GRM7: variants seen among roughly 807,000 people sequenced by gnomAD.
GRM7 encodes the protein glutamate metabotropic receptor 7, also known as metabotropic glutamate receptor 7.
GRM7 carries 35 observed loss-of-function variants against 84.5 expected under a neutral mutation model. The ratio of observed to expected loss-of-function variants is 0.41; its 90% CI spans 0.32 to 0.55. The LOEUF is 0.55. Ranked by LOEUF, GRM7 falls within the 20% of genes least tolerant of loss-of-function variation. GRM7 has a pLI of 0.19. For missense variants in GRM7, 1,003 were observed against 1,194.6 expected (o/e 0.84, Z 2.36); for synonymous variants, 487 against 455.1 (o/e 1.07, Z -0.89).
chr3:7,432,694 T>C (rs1461169237), intron 5 of GRM7, among the ~76,000 whole-genome samples: 1 of 150,416 alleles, frequency 6.6e-6, no homozygotes, highest in Non-Finnish European at 1.5e-5. Context: ...AATAGATGAA[T>C]AAATGTGGAA....
intron 2 of GRM7, among the ~76,000 whole-genome samples, chr3:7,255,691 T>C (rs2124947593): frequency 6.6e-6 from 1 of 152,348 alleles, no homozygotes; most frequent in Middle Eastern, 3.4e-3. Context: ...GTGAAATTTC[T>C]AGCGGTAATA....
intron 8 of GRM7, among the ~76,000 whole-genome samples, chr3:7,642,326 C>A (rs1410190436): frequency 6.6e-6 from 1 of 151,586 alleles, no homozygotes; most frequent in Non-Finnish European, 1.5e-5. Context: ...TCCTAAGAAT[C>A]TCAAAAAAAA....
intron 2 of GRM7, among the ~76,000 whole-genome samples, chr3:7,153,143 T>TA (rs907272658): frequency 2.1e-4 from 32 of 151,080 alleles, no homozygotes; most frequent in Non-Finnish European, 3.8e-4. Context: ...ATTTTTTTTT[T>TA]TTTTTTTTTT....
intron 5 of GRM7, among the ~76,000 whole-genome samples, chr3:7,426,068 T>G (rs1696594594): frequency 6.6e-6 from 1 of 151,990 alleles, no homozygotes; most frequent in Non-Finnish European, 1.5e-5. Flanking sequence ...CCTCAACATT[T>G]AAGACATTTC....
chr3:7,387,042 G>T (rs1694812619), intron 4 of GRM7, among the ~76,000 whole-genome samples: 1 of 152,034 alleles, frequency 6.6e-6, no homozygotes. Context: ...TTTTTTATAA[G>T]TTTATTGGCC....
chr3:7,066,214 T>G (rs2124977184), intron 1 of GRM7, among the ~76,000 whole-genome samples: 1 of 151,086 alleles, frequency 6.6e-6, no homozygotes, highest in African/African-American at 2.4e-5. Context: ...CAAACAAAAT[T>G]TACAAAGGAT....
At chr3:7,227,015 G>A (rs1047938938) in intron 2 of GRM7, among the ~76,000 whole-genome samples, 13 of 152,000 alleles carry the variant, frequency 8.6e-5, no homozygotes, top group Non-Finnish European at 1.9e-4. Flanking sequence ...ATTTACTGGA[G>A]GTTAAAAATT....
intron 9 of GRM7, among the ~76,000 whole-genome samples, chr3:7,707,126 T>C (rs1474624947): frequency 2.0e-5 from 3 of 152,200 alleles, no homozygotes; most frequent in Non-Finnish European, 4.4e-5. Flanking sequence ...GAGGTTACAT[T>C]CTACCTTGCG....
chr3:7,620,161 T>C (rs1014845887), intron 8 of GRM7, among the ~76,000 whole-genome samples: 2 of 152,106 alleles, frequency 1.3e-5, no homozygotes, highest in African/African-American at 4.8e-5. Flanking sequence ...GTTTCAGGAC[T>C]GAAAGAAACA....
intron 3 of GRM7, among the ~76,000 whole-genome samples, chr3:7,305,956 G>C (rs1010009083): frequency 6.6e-6 from 1 of 151,942 alleles, no homozygotes; most frequent in Non-Finnish European, 1.5e-5. Context: ...CCATTGTCCT[G>C]ATTATGTATA....
intron 2 of GRM7, among the ~76,000 whole-genome samples, chr3:7,220,281 C>A (rs1048951302): frequency 6.6e-6 from 1 of 152,188 alleles, no homozygotes; most frequent in Non-Finnish European, 1.5e-5. Flanking sequence ...AACACTATCT[C>A]AGTGAGGTGA....
intron 8 of GRM7, among the ~76,000 whole-genome samples, chr3:7,591,662 T>C (rs185933226): frequency 3.3e-5 from 5 of 152,294 alleles, no homozygotes; most frequent in Non-Finnish European, 5.9e-5. Context: ...GTACTTAGAA[T>C]TGTTAAAAAT....
chr3:7,359,028 A>G (rs1030267883), intron 4 of GRM7, among the ~76,000 whole-genome samples: 1 of 143,204 alleles, frequency 7.0e-6, no homozygotes, highest in Non-Finnish European at 1.5e-5. Context: ...CTGAGACAGG[A>G]GGATCACTTG....
intron 5 of GRM7, among the ~76,000 whole-genome samples, chr3:7,422,857 G>C (rs918713268): frequency 6.6e-6 from 1 of 152,020 alleles, no homozygotes; most frequent in Admixed American, 6.6e-5. Flanking sequence ...ATGGTGGAGA[G>C]GAAATAAAAG....
At chr3:7,536,893 T>C (rs966721306) in intron 7 of GRM7, among the ~76,000 whole-genome samples, 2 of 152,180 alleles carry the variant, frequency 1.3e-5, no homozygotes, top group African/African-American at 4.8e-5. Flanking sequence ...TGTGAGATAA[T>C]AATAAATATT....
At chr3:7,421,307 G>T (rs1696383824) in intron 5 of GRM7, among the ~76,000 whole-genome samples, 1 of 152,138 alleles carries the variant, frequency 6.6e-6, no homozygotes, top group Non-Finnish European at 1.5e-5. Flanking sequence ...ATTAGGCAAT[G>T]CTTGATTCTG....
At chr3:7,173,384 C>G (rs9828618) in intron 2 of GRM7, among the ~76,000 whole-genome samples, 2 of 152,178 alleles carry the variant, frequency 1.3e-5, no homozygotes, top group East Asian at 1.9e-4. Context: ...CTCCCCACCC[C>G]TCTCCGGCTC....
intron 1 of GRM7, among the ~76,000 whole-genome samples, chr3:6,988,950 A>T (rs1045623377): frequency 6.6e-6 from 1 of 152,180 alleles, no homozygotes; most frequent in African/African-American, 2.4e-5. Context: ...ATTGTCAAAA[A>T]AATAAATAAA....
intron 4 of GRM7, among the ~76,000 whole-genome samples, chr3:7,350,698 T>C: frequency 6.6e-6 from 1 of 152,164 alleles, no homozygotes; most frequent in East Asian, 1.9e-4. Context: ...TATATATTAC[T>C]TTGGATCTTT....
Sources: allele counts gnomAD v4.1 joint callset (sites outside exome capture counted in the v4.1 genomes callset), GRCh38; gene constraint gnomAD v4.1.1; transcripts MANE v1.5; gene names NCBI Gene and HGNC (gene_info 2026-07-23, HGNC 2026-07-21).